TENM3: variants seen among roughly 807,000 people sequenced by gnomAD.
TENM3 encodes teneurin-3.
In TENM3, 63 loss-of-function variants were observed where a neutral mutation model predicts 255.1. The ratio of observed to expected loss-of-function variants is 0.25; its 90% CI spans 0.20 to 0.30. The LOEUF is 0.30. Among genes scored for constraint, TENM3 ranks in the 10% least tolerant of loss-of-function variants. The pLI is 1.00. For missense variants in TENM3, 2,929 were observed against 3,461.1 expected, an observed-to-expected ratio of 0.85 and a Z score of 3.86; for synonymous variants, 1,306 against 1,322.3, an observed-to-expected ratio of 0.99 and a Z score of 0.27.
At chr4:182,660,318 G>A (rs1344149415) in intron 6 of TENM3, among the ~76,000 whole-genome samples, 2 of 152,108 alleles carry the variant, frequency 1.3e-5, no homozygotes, top group Admixed American at 1.3e-4. Context: ...AGTATACGAA[G>A]GGCCATGCAT....
the TENM3 span, among the ~76,000 whole-genome samples, chr4:182,016,584 A>T: frequency 6.6e-6 from 1 of 152,166 alleles, no homozygotes; most frequent in Non-Finnish European, 1.5e-5. Context: ...AGAAGGTCTG[A>T]TAAGATCCAC....
intron 4 of TENM3, among the ~76,000 whole-genome samples, chr4:182,623,235 G>A (rs190020646): frequency 1.6e-4 from 25 of 151,888 alleles, no homozygotes; most frequent in Admixed American, 1.3e-3. Flanking sequence ...AGATGGTCTC[G>A]ATTTCCTGAC....
chr4:182,477,925 C>T (rs1277056878), intron 3 of TENM3, among the ~76,000 whole-genome samples: 1 of 151,962 alleles, frequency 6.6e-6, no homozygotes, highest in African/African-American at 2.4e-5. Context: ...CTGGAGAGAA[C>T]CTGTGACTAA....
the TENM3 span, among the ~76,000 whole-genome samples, chr4:181,851,803 C>T: frequency 6.6e-6 from 1 of 152,068 alleles, no homozygotes; most frequent in African/African-American, 2.4e-5. Context: ...TTTCATCATC[C>T]TCTGAATTCT....
At chr4:181,716,845 A>G in the TENM3 span, among the ~76,000 whole-genome samples, 1 of 152,210 alleles carries the variant, frequency 6.6e-6, no homozygotes, top group South Asian at 2.1e-4. Context: ...AGTTGATATC[A>G]TAACACATAT....
the TENM3 span, among the ~76,000 whole-genome samples, chr4:181,605,534 GAAAGAA>G: frequency 4.5e-5 from 1 of 22,190 alleles, no homozygotes; most frequent in African/African-American, 1.1e-4. Flanking sequence ...AAGAAAGAAA[GAAAGAA>G]AGAAAGAAAG....
intron 12 of TENM3, 95 bp from the exon 13 acceptor site, chr4:182,713,992 A>G (rs1263215150): frequency 1.0e-6 from 1 of 954,802 alleles, no homozygotes; most frequent in Non-Finnish European, 1.6e-6. Context: ...GCTGTTTATA[A>G]AGGCCTGTTC....
Position 182,800,227 on chromosome 4 carries a change from T to C in TENM3, c.7976T>C (p.Leu2659Pro), listed in dbSNP as rs1766836455. The C allele has an allele frequency of 1.3e-6, 2 of 1,592,102 alleles. No individual in the cohort carries two copies. Among genetic ancestry groups the C allele is most frequent in the Non-Finnish European group, 1.7e-6 (2 of 1,177,674 alleles). The part of the protein sequence containing the change: ...LWTEGEKRQL[L>P]SAGKVQGYDG... ...ACGGAGGGCGAGAAGCGGCAGCTGCTGAGCGCCGGCAAGGTGCAGGGCTAC... is the reference window on the plus strand; with the variant it reads ...ACGGAGGGCGAGAAGCGGCAGCTGCCGAGCGCCGGCAAGGTGCAGGGCTAC... The change falls in exon 28 of 28, where the codon CTG becomes CCG. Residue 2659 changes from leucine to proline, a missense_variant. By Grantham distance (98) the Leu-to-Pro change is moderately conservative. This residue lies in a region of TENM3 where 476 missense variants were observed against 480.1 expected (regional missense o/e 0.99). Coordinates refer to ENST00000511685, the MANE Select transcript of TENM3 (RefSeq NM_001080477.4).
chr4:182,039,347 A>G, the TENM3 span, among the ~76,000 whole-genome samples: 2 of 152,270 alleles, frequency 1.3e-5, no homozygotes, highest in Admixed American at 1.3e-4. Context: ...AGGATGTCGC[A>G]TCTGTTCTCC....
At chr4:182,784,763 G>A (rs573888450) in intron 24 of TENM3, among the ~76,000 whole-genome samples, 15 of 152,170 alleles carry the variant, frequency 9.9e-5, no homozygotes, top group African/African-American at 2.2e-4. Context: ...CTGGTGTGCC[G>A]TTTTTTAAGC....
intron 1 of TENM3, among the ~76,000 whole-genome samples, chr4:182,190,899 C>G (rs1437930757): frequency 6.6e-6 from 1 of 152,046 alleles, no homozygotes; most frequent in African/African-American, 2.4e-5. Flanking sequence ...TGCTTCATAT[C>G]CCTGATATTG....
At chr4:182,713,247 G>A (rs142468027) in intron 12 of TENM3, among the ~76,000 whole-genome samples, 115 of 152,262 alleles carry the variant, frequency 7.6e-4, no homozygotes, top group African/African-American at 2.7e-3. Context: ...CTTGAAGCAC[G>A]TCACTACCGT....
the TENM3 span, among the ~76,000 whole-genome samples, chr4:182,038,029 A>G: frequency 1.3e-4 from 20 of 152,116 alleles, no homozygotes; most frequent in African/African-American, 4.3e-4. Flanking sequence ...TAAAACAAAC[A>G]AACAAACACC....
At chr4:181,831,631 A>G in the TENM3 span, among the ~76,000 whole-genome samples, 1 of 152,146 alleles carries the variant, frequency 6.6e-6, no homozygotes, top group East Asian at 1.9e-4. Flanking sequence ...TCACATTTTG[A>G]AAAAAACTAG....
At chr4:182,239,708 A>G (rs552153724), upstream of TENM3, among the ~76,000 whole-genome samples, 28 of 152,342 alleles carry the variant, frequency 1.8e-4, no homozygotes, top group African/African-American at 6.3e-4. Context: ...AAATACCACT[A>G]TGGATACTTC....
At chr4:181,536,920 G>A in the TENM3 span, among the ~76,000 whole-genome samples, 1 of 152,136 alleles carries the variant, frequency 6.6e-6, no homozygotes, top group Admixed American at 6.5e-5. Flanking sequence ...GGTGAACTCT[G>A]CTCAGTGATA....
chr4:181,504,251 G>A, the TENM3 span, among the ~76,000 whole-genome samples: 1 of 152,300 alleles, frequency 6.6e-6, no homozygotes, highest in South Asian at 2.1e-4. Flanking sequence ...ACCTGCCGCT[G>A]CTCCCGACTG....
At chr4:182,701,210 C>CTTT (rs35538818) in intron 12 of TENM3, among the ~76,000 whole-genome samples, 8,502 of 38,488 alleles carry the variant, frequency 0.22, 3,445 homozygotes, top group Middle Eastern at 0.33. Flanking sequence ...CAACTCTTGA[C>CTTT]TTTTTTTTTT....
chr4:182,683,486 A>G (rs1756330513), intron 11 of TENM3, among the ~76,000 whole-genome samples: 1 of 152,196 alleles, frequency 6.6e-6, no homozygotes, highest in Non-Finnish European at 1.5e-5. Context: ...ATATTATAAC[A>G]TCTGAAAAAG....
Sources: gnomAD v4.1 joint callset for allele counts (sites outside exome capture counted in the v4.1 genomes callset) on GRCh38, gnomAD v4.1.1 for gene constraint, gnomAD v4.1.1 regional missense constraint, MANE v1.5 for transcripts, NCBI Gene and HGNC (gene_info 2026-07-23, HGNC 2026-07-21) for gene names.